TCF12: variants seen among roughly 807,000 people sequenced by gnomAD.
The protein encoded by TCF12 is transcription factor 12.
TCF12 carries 45 observed loss-of-function variants against 86.0 expected under a neutral mutation model. The observed-to-expected ratio is 0.52, with a 90% CI of 0.41 to 0.67. The LOEUF is 0.67. Ranked by LOEUF, TCF12 falls within the 30% of genes least tolerant of loss-of-function variation. TCF12 has a pLI of 0.00. For synonymous variants in TCF12, 330 were observed against 299.6 expected (o/e 1.10, Z -1.05); for missense variants, 881 against 859.9 (o/e 1.02, Z -0.31).
chr15:57,281,177 G>A (rs2061669674), intron 19 of TCF12, among the ~76,000 whole-genome samples: 1 of 149,534 alleles, frequency 6.7e-6, no homozygotes, highest in African/African-American at 2.5e-5. Context: ...GATCACTGCA[G>A]CCTTGACAAC....
At chr15:57,171,214 A>G (rs555834644) in intron 6 of TCF12, among the ~76,000 whole-genome samples, 15 of 151,952 alleles carry the variant, frequency 9.9e-5, no homozygotes. Flanking sequence ...AAAGATATTC[A>G]GATGAGAGAA....
chr15:57,141,866 A>G (rs2052991988), intron 5 of TCF12, among the ~76,000 whole-genome samples: 1 of 152,338 alleles, frequency 6.6e-6, no homozygotes, highest in Admixed American at 6.5e-5. Context: ...CAGGAAGATT[A>G]GCTAGATTAT....
intron 3 of TCF12, among the ~76,000 whole-genome samples, chr15:57,040,786 A>G (rs1352200434): frequency 6.6e-6 from 1 of 152,160 alleles, no homozygotes; most frequent in Non-Finnish European, 1.5e-5. Context: ...AGGGTGAAAA[A>G]TTGCATTTAG....
chr15:57,269,780 G>A (rs1385492865), intron 18 of TCF12, among the ~76,000 whole-genome samples: 1 of 152,134 alleles, frequency 6.6e-6, no homozygotes. Context: ...GCATTTGCTT[G>A]TCTGTAAAGG....
chr15:57,029,545 C>G (rs1009574414), intron 3 of TCF12, among the ~76,000 whole-genome samples: 5 of 152,036 alleles, frequency 3.3e-5, no homozygotes. Flanking sequence ...CTTTGTACTA[C>G]GCTATATGGG....
chr15:57,219,505 A>G, intron 8 of TCF12: 2 of 1,609,994 alleles, frequency 1.2e-6, no homozygotes, highest in Non-Finnish European at 1.7e-6. Context: ...ACAAATAGTA[A>G]CATTTTCAAA....
At chr15:57,131,184 C>T (rs2052087404) in intron 5 of TCF12, among the ~76,000 whole-genome samples, 1 of 152,116 alleles carries the variant, frequency 6.6e-6, no homozygotes, top group Non-Finnish European at 1.5e-5. Context: ...TTCTGGTGGT[C>T]GCACAAGGTA....
chr15:57,207,383 T>C (rs2057879621), intron 8 of TCF12, among the ~76,000 whole-genome samples: 1 of 152,106 alleles, frequency 6.6e-6, no homozygotes, highest in South Asian at 2.1e-4. Context: ...AAATAATAAA[T>C]AGGCCGGGCG....
At chr15:57,175,279 G>A (rs542811778) in intron 6 of TCF12, among the ~76,000 whole-genome samples, 3 of 152,220 alleles carry the variant, frequency 2.0e-5, no homozygotes, top group African/African-American at 4.8e-5. Context: ...TATCACTTGA[G>A]CCCAGGAGTT....
rs1207220357 is a variant in TCF12 at position 57,117,071 on chromosome 15, A to G, written c.325+25180A>G. ...AAAACAGAGCTAAAGTAGAAAAAAAAAGCCTTATGTTAAAATTCAACTGTT... is the reference window on the plus strand; with the variant it reads ...AAAACAGAGCTAAAGTAGAAAAAAAGAGCCTTATGTTAAAATTCAACTGTT... On this transcript the variant is annotated intron_variant, in intron 5 of 20. Transcript: ENST00000333725. 2.0e-5 allele frequency among the ~76,000 whole-genome samples: 3 copies of G among 151,350 alleles called. No individual in the cohort carries two copies. The Admixed American group carries it at 2.0e-4, about 10-fold the overall frequency.
chr15:57,096,007 C>G (rs555638326), intron 5 of TCF12, among the ~76,000 whole-genome samples: 1 of 152,276 alleles, frequency 6.6e-6, no homozygotes, highest in Admixed American at 6.5e-5. Context: ...CTCATATCTC[C>G]TGACTCTTAG....
chr15:57,124,304 G>C (rs1042618715), intron 5 of TCF12, among the ~76,000 whole-genome samples: 4 of 152,026 alleles, frequency 2.6e-5, no homozygotes, highest in African/African-American at 9.7e-5. Flanking sequence ...CTTGATTTCA[G>C]CAAAACATTG....
At chr15:56,927,994 A>G (rs1439786455) in intron 3 of TCF12, among the ~76,000 whole-genome samples, 2 of 152,132 alleles carry the variant, frequency 1.3e-5, no homozygotes, top group African/African-American at 2.4e-5. Context: ...GCTTATAGAA[A>G]TGGAGTGGAG....
chr15:57,219,726 T>A, intron 8 of TCF12: 1 of 751,030 alleles, frequency 1.3e-6, no homozygotes, highest in Non-Finnish European at 1.9e-6. Context: ...ATTTCTTTTT[T>A]TTTTTTTTTT....
intron 13 of TCF12, among the ~76,000 whole-genome samples, chr15:57,245,219 C>T (rs189741779): frequency 2.6e-5 from 4 of 152,182 alleles, no homozygotes; most frequent in African/African-American, 7.2e-5. Flanking sequence ...AGAAGCATTC[C>T]GGTTTGGGGA....
At chr15:56,933,809 T>C (rs531268698) in intron 3 of TCF12, among the ~76,000 whole-genome samples, 1 of 152,200 alleles carries the variant, frequency 6.6e-6, no homozygotes, top group African/African-American at 2.4e-5. Flanking sequence ...ACATTTCTGA[T>C]GGTCAGTTAT....
At chr15:57,104,361 G>C (rs867951733) in intron 5 of TCF12, among the ~76,000 whole-genome samples, 1 of 150,616 alleles carries the variant, frequency 6.6e-6, no homozygotes, top group Non-Finnish European at 1.5e-5. Flanking sequence ...TAAGATAGTT[G>C]TAGCAATATA....
At chr15:57,134,788 A>G (rs1263399305) in intron 5 of TCF12, among the ~76,000 whole-genome samples, 1 of 152,046 alleles carries the variant, frequency 6.6e-6, no homozygotes, top group Non-Finnish European at 1.5e-5. Flanking sequence ...AATCTTGCCC[A>G]GTGGATCACT....
At chr15:57,234,431 CT>C (rs2059298176) in intron 12 of TCF12, among the ~76,000 whole-genome samples, 1 of 152,164 alleles carries the variant, frequency 6.6e-6, no homozygotes, top group African/African-American at 2.4e-5. Flanking sequence ...ACTCAGTATT[CT>C]GATCCAGAGA....
Sources: allele counts gnomAD v4.1 joint callset (sites outside exome capture counted in the v4.1 genomes callset), GRCh38; gene constraint gnomAD v4.1.1; transcripts MANE v1.5; gene names NCBI Gene and HGNC (gene_info 2026-07-23, HGNC 2026-07-21).